CRTC1: variants seen among roughly 807,000 people sequenced by gnomAD.
CRTC1 encodes CREB-regulated transcription coactivator 1.
In CRTC1, 18 loss-of-function variants were observed where a neutral mutation model predicts 66.1. The observed-to-expected ratio is 0.27, with a 90% CI of 0.19 to 0.40. CRTC1 has a LOEUF of 0.40. CRTC1 is among the 10% of genes least tolerant of loss of function. The probability of loss-of-function intolerance (pLI) is 1.00; values close to 1 mark genes in which losing one functional copy is unlikely to be tolerated. For synonymous variants in CRTC1, 416 were observed against 398.8 expected (o/e 1.04, Z -0.51); for missense variants, 669 against 887.9 (o/e 0.75, Z 3.13).
chr19:18,705,622 A>G (rs900261824), intron 1 of CRTC1, among the ~76,000 whole-genome samples: 3 of 152,138 alleles, frequency 2.0e-5, no homozygotes, highest in Non-Finnish European at 4.4e-5. Flanking sequence ...CCCAGCCAGC[A>G]TGTTTAATTT....
Position 18,761,244 on chromosome 19 carries a change from T to A in CRTC1, c.886+1016T>A, listed in dbSNP as rs116327698. 2.9e-3 allele frequency among the ~76,000 whole-genome samples: 439 copies of A among 152,274 alleles called. 5 individuals carry two copies. Among genetic ancestry groups the A allele is most frequent in the African/African-American group, 0.01 (425 of 41,570 alleles). On this transcript the variant is annotated intron_variant, in intron 8 of 13. Coordinates refer to ENST00000321949, the MANE Select transcript of CRTC1 (RefSeq NM_015321.3). The stretch of plus-strand genomic sequence containing the variant: ...TCCTGCACCCCTGCCCTGGCCCACG[T>A]TGCTGCTCCGTCCTTAGCTGTTGCC...
intron 1 of CRTC1, among the ~76,000 whole-genome samples, chr19:18,710,752 C>T (rs2053372287): frequency 6.6e-6 from 1 of 151,950 alleles, no homozygotes; most frequent in Non-Finnish European, 1.5e-5. Context: ...GCTGGGATTA[C>T]AGGCACCCGC....
intron 1 of CRTC1, among the ~76,000 whole-genome samples, chr19:18,691,854 C>T (rs1026962189): frequency 6.6e-6 from 1 of 152,114 alleles, no homozygotes; most frequent in African/African-American, 2.4e-5. Context: ...ACTGGGATTA[C>T]AGGCTCCTGC....
chr19:18,705,797 AT>A (rs71168764), intron 1 of CRTC1, among the ~76,000 whole-genome samples: 120,771 of 150,924 alleles, frequency 0.8, 49,151 homozygotes, highest in East Asian at 0.99. Context: ...TAATCCTAAT[AT>A]TTTTTTTTTG....
At chr19:18,736,944 G>T (rs2054010050) in intron 1 of CRTC1, among the ~76,000 whole-genome samples, 1 of 152,170 alleles carries the variant, frequency 6.6e-6, no homozygotes, top group African/African-American at 2.4e-5. Context: ...TGGAGGTGTC[G>T]CTGTGCCCTG....
intron 1 of CRTC1, among the ~76,000 whole-genome samples, chr19:18,727,381 A>G (rs1954676692): frequency 6.6e-6 from 1 of 151,902 alleles, no homozygotes; most frequent in African/African-American, 2.4e-5. Flanking sequence ...GGAGATCGAG[A>G]CCATCCTGGC....
chr19:18,709,972 G>T (rs1180821257), intron 1 of CRTC1, among the ~76,000 whole-genome samples: 1 of 152,102 alleles, frequency 6.6e-6, no homozygotes, highest in Non-Finnish European at 1.5e-5. Context: ...CCCAGGATGG[G>T]GTCCCACAAA....
chr19:18,722,712 T>C (rs2053656409), intron 1 of CRTC1, among the ~76,000 whole-genome samples: 1 of 152,190 alleles, frequency 6.6e-6, no homozygotes, highest in African/African-American at 2.4e-5. Flanking sequence ...TTCCCTTCTG[T>C]CTGCGCCCAG....
At chr19:18,702,623 T>TC (rs2053171590) in intron 1 of CRTC1, among the ~76,000 whole-genome samples, 1 of 145,564 alleles carries the variant, frequency 6.9e-6, no homozygotes, top group African/African-American at 2.6e-5. Flanking sequence ...AACCTCCACC[T>TC]CCCGGGTTCA....
At chr19:18,722,758 G>A (rs2053657339) in intron 1 of CRTC1, among the ~76,000 whole-genome samples, 2 of 152,010 alleles carry the variant, frequency 1.3e-5, no homozygotes, top group South Asian at 2.1e-4. Context: ...ACCTCACCCC[G>A]CAGGTAGTCA....
chr19:18,702,486 C>T (rs2053167097), intron 1 of CRTC1, among the ~76,000 whole-genome samples: 1 of 152,046 alleles, frequency 6.6e-6, no homozygotes, highest in South Asian at 2.1e-4. Context: ...GCCTGGGCCT[C>T]CCAAAGTGCT....
chr19:18,714,402 G>A (rs1055154246), intron 1 of CRTC1, among the ~76,000 whole-genome samples: 1 of 152,104 alleles, frequency 6.6e-6, no homozygotes, highest in African/African-American at 2.4e-5. Context: ...CCGCCTCCTG[G>A]GTTCAAGCAA....
chr19:18,716,482 C>T (rs368441485), intron 1 of CRTC1, among the ~76,000 whole-genome samples: 2 of 152,244 alleles, frequency 1.3e-5, no homozygotes, highest in African/African-American at 4.8e-5. Flanking sequence ...AAACTCCTGA[C>T]CTCATGATCC....
At chr19:18,714,545 A>G (rs1376204449) in intron 1 of CRTC1, among the ~76,000 whole-genome samples, 1 of 152,100 alleles carries the variant, frequency 6.6e-6, no homozygotes, top group Non-Finnish European at 1.5e-5. Context: ...TGACCTCGTG[A>G]TCCGCCTGCT....
chr19:18,740,261 A>T (rs2054083599), intron 1 of CRTC1, among the ~76,000 whole-genome samples: 1 of 152,026 alleles, frequency 6.6e-6, no homozygotes, highest in Non-Finnish European at 1.5e-5. Flanking sequence ...TTAAAAAAAA[A>T]AAAAATCACC....
chr19:18,724,901 C>T (rs960755279), intron 1 of CRTC1, among the ~76,000 whole-genome samples: 7 of 150,476 alleles, frequency 4.7e-5, no homozygotes, highest in East Asian at 2.0e-4. Context: ...TGACCTGCAT[C>T]GAGCGCTTGG....
At chr19:18,758,230 G>C (rs1426477854) in intron 6 of CRTC1, among the ~76,000 whole-genome samples, 5 of 150,764 alleles carry the variant, frequency 3.3e-5, no homozygotes, top group Non-Finnish European at 5.9e-5. Flanking sequence ...CTTGGTGGCG[G>C]GCACCTGTAG....
intron 1 of CRTC1, among the ~76,000 whole-genome samples, chr19:18,721,586 C>T (rs2145630988): frequency 6.6e-6 from 1 of 150,822 alleles, no homozygotes; most frequent in East Asian, 2.0e-4. Context: ...CCTCTGCCTC[C>T]TGGGGTCAAG....
At chr19:18,702,152 A>G (rs1159470050) in intron 1 of CRTC1, among the ~76,000 whole-genome samples, 1 of 150,434 alleles carries the variant, frequency 6.6e-6, no homozygotes, top group Non-Finnish European at 1.5e-5. Context: ...TGAACTCCCG[A>G]CCTCAGGTGA....
Sources: gnomAD v4.1 joint callset for allele counts (sites outside exome capture counted in the v4.1 genomes callset) on GRCh38, gnomAD v4.1.1 for gene constraint, MANE v1.5 for transcripts, NCBI Gene and HGNC (gene_info 2026-07-23, HGNC 2026-07-21) for gene names.